The following ZNF148 variants were observed in gnomAD, a reference collection of about 807,000 sequenced individuals.
The protein encoded by ZNF148 is Beta-Enolase Repressor Factor-1.
In ZNF148, 7 loss-of-function variants were observed where a neutral mutation model predicts 67.7. The ratio of observed to expected loss-of-function variants is 0.10; its 90% CI spans 0.06 to 0.19. The LOEUF (loss-of-function observed/expected upper bound fraction) is 0.19, where lower values mean the gene tolerates loss of function less well. ZNF148 is among the 10% of genes least tolerant of loss of function. ZNF148 has a pLI of 1.00. For missense variants in ZNF148, 583 were observed against 947.1 expected (o/e 0.62, Z 5.05); for synonymous variants, 333 against 330.7 (o/e 1.01, Z -0.08).
rs1935714571 is a variant in ZNF148, at chr3:125,228,209, G to A, written c.*4132C>T. 1 of 152,474 alleles carries A rather than the reference G, an allele frequency of 6.6e-6. No homozygotes were observed. The highest frequency in any genetic ancestry group is 6.6e-5 in the Admixed American group (1 of 15,248). 9.4% of individuals were successfully genotyped at this position (152,474 alleles called of 1,614,324 possible). ...AATCACAAAGTTAGGTAGCAGTACAGAAGCAGGAAAAAAAACCACATCCCT... is the reference window on the plus strand; with the variant it reads ...AATCACAAAGTTAGGTAGCAGTACAAAAGCAGGAAAAAAAACCACATCCCT... On this transcript the variant is annotated 3_prime_UTR_variant, in exon 9 of 9. Coordinates refer to ENST00000360647, the MANE Select transcript of ZNF148 (RefSeq NM_021964.3).
chr3:125,302,781 G>A (rs183248841), intron 4 of ZNF148, among the ~76,000 whole-genome samples: 240 of 152,262 alleles, frequency 1.6e-3, no homozygotes, highest in Non-Finnish European at 1.9e-3. Flanking sequence ...TCTTATGTAT[G>A]GCATGCTTAT....
chr3:125,300,066 G>A (rs566509114), intron 4 of ZNF148, among the ~76,000 whole-genome samples: 30 of 152,150 alleles, frequency 2.0e-4, no homozygotes, highest in South Asian at 6.2e-4. Flanking sequence ...CCACCTCCCA[G>A]GTTCAAGCAA....
chr3:125,281,140 C>T (rs1048402774), intron 5 of ZNF148, among the ~76,000 whole-genome samples: 1 of 152,144 alleles, frequency 6.6e-6, no homozygotes, highest in African/African-American at 2.4e-5. Flanking sequence ...GGCAAACAGC[C>T]AATGTGGTCA....
chr3:125,343,623 G>C (rs1395489104), intron 1 of ZNF148, among the ~76,000 whole-genome samples: 1 of 152,054 alleles, frequency 6.6e-6, no homozygotes, highest in Non-Finnish European at 1.5e-5. Flanking sequence ...ATTGAAAAAA[G>C]GGCATTCTGA....
At chr3:125,269,501 A>G (rs1937624994) in intron 7 of ZNF148, among the ~76,000 whole-genome samples, 1 of 152,126 alleles carries the variant, frequency 6.6e-6, no homozygotes, top group Non-Finnish European at 1.5e-5. Context: ...ACACTTATAC[A>G]TTATTGGTAG....
At chr3:125,241,953 A>T (rs1421900785) in intron 7 of ZNF148, among the ~76,000 whole-genome samples, 1 of 152,198 alleles carries the variant, frequency 6.6e-6, no homozygotes, top group African/African-American at 2.4e-5. Flanking sequence ...TAGGTGAAAA[A>T]ACATTATCTC....
intron 6 of ZNF148, 109 bp downstream of exon 6, chr3:125,279,015 G>C: frequency 3.4e-6 from 4 of 1,178,066 alleles, no homozygotes; most frequent in Non-Finnish European, 4.5e-6. Flanking sequence ...CTCTGATTTG[G>C]AATGCCAGAT....
chr3:125,234,055 CCAAA>C, intron 8 of ZNF148, 116 bp from the exon 9 acceptor site: 1 of 1,369,564 alleles, frequency 7.3e-7, no homozygotes, highest in Non-Finnish European at 9.7e-7. Flanking sequence ...ATACATAATT[CCAAA>C]CAAATTCACT....
chr3:125,247,325 A>AT (rs1355939357), intron 7 of ZNF148, among the ~76,000 whole-genome samples: 3 of 152,084 alleles, frequency 2.0e-5, no homozygotes, highest in African/African-American at 7.2e-5. Flanking sequence ...TTAAAAAATT[A>AT]TTTTTTCTGG....
chr3:125,325,375 A>G (rs1251611944), intron 2 of ZNF148, among the ~76,000 whole-genome samples: 1 of 152,188 alleles, frequency 6.6e-6, no homozygotes, highest in Admixed American at 6.5e-5. Flanking sequence ...ATGGAACAAC[A>G]TTCAGCTTAC....
chr3:125,269,715 C>T (rs539775253), intron 7 of ZNF148, among the ~76,000 whole-genome samples: 1 of 152,256 alleles, frequency 6.6e-6, no homozygotes, highest in East Asian at 1.9e-4. Flanking sequence ...AGGTAACCAT[C>T]AGCAGTGGAC....
chr3:125,306,199 C>G (rs1028202407), intron 4 of ZNF148, among the ~76,000 whole-genome samples: 1 of 151,880 alleles, frequency 6.6e-6, no homozygotes, highest in Non-Finnish European at 1.5e-5. Flanking sequence ...ATGTTTAGGT[C>G]AAAAATGAAT....
intron 7 of ZNF148, among the ~76,000 whole-genome samples, chr3:125,269,638 G>A (rs1056803482): frequency 5.3e-5 from 8 of 151,960 alleles, no homozygotes; most frequent in Non-Finnish European, 8.8e-5. Flanking sequence ...AAATTCTACC[G>A]AATGACACAT....
intron 1 of ZNF148, among the ~76,000 whole-genome samples, chr3:125,341,153 A>G (rs1941705830): frequency 6.6e-6 from 1 of 151,788 alleles, no homozygotes; most frequent in African/African-American, 2.4e-5. Flanking sequence ...CAATATATTA[A>G]CAAATTCTAC....
At position 125,232,747 on chromosome 3, in the gene ZNF148, C is replaced by T. The variant is rs1343405655; in HGVS notation, c.1979G>A (p.Arg660Gln). 1 of 1,613,750 alleles carries T rather than the reference C, an allele frequency of 6.2e-7. No individual in the cohort carries two copies. The highest frequency in any genetic ancestry group is 1.1e-5 in the South Asian group (1 of 91,060). ...TCTTAGTGGAGAATTCATTCCTGATCGAAAGCTATTGATGGGCATGGTGGC... is the reference window on the plus strand; with the variant it reads ...TCTTAGTGGAGAATTCATTCCTGATTGAAAGCTATTGATGGGCATGGTGGC... Reference protein sequence around the residue: ...VYATMPINSFRSGMNSPLRTT... With the variant: ...VYATMPINSFQSGMNSPLRTT... Residue 660 changes from arginine (R) to glutamine (Q), a missense_variant, in exon 9 of 9, where the codon CGA (arginine) becomes CAA (glutamine). By Grantham distance (43) the Arg-to-Gln change is conservative. This residue lies in a region of ZNF148 where 158 missense variants were observed against 208.4 expected (regional missense o/e 0.76). Coordinates refer to ENST00000360647, the MANE Select transcript of ZNF148 (RefSeq NM_021964.3). This position sits in a 1 kb window ranked among gnomAD's most constrained non-coding sequence, Gnocchi z 4.2.
intron 7 of ZNF148, among the ~76,000 whole-genome samples, chr3:125,261,662 C>A (rs909687461): frequency 6.6e-6 from 1 of 151,754 alleles, no homozygotes; most frequent in African/African-American, 2.4e-5. Context: ...GGAGAGAGTG[C>A]CTGGGAAATA....
chr3:125,279,256 A>G lies in ZNF148; in HGVS notation c.460-9T>C, dbSNP rs200819561. 3.5e-5 allele frequency: 52 copies of G among 1,486,436 alleles called. No homozygotes were observed. In the East Asian group the frequency reaches 1.1e-3, roughly 32 times the overall value. 92.1% of individuals were successfully genotyped at this position (1,486,436 alleles called of 1,614,324 possible). On this transcript the variant is annotated splice_polypyrimidine_tract_variant and intron_variant, in intron 5 of 8. Transcript: ENST00000360647. ...TCATTTATTGTAAGGATCTAGTTCAAAAAAAAAAAGGCAAAAACAAAAGAA... is the reference window on the plus strand; with the variant it reads ...TCATTTATTGTAAGGATCTAGTTCAGAAAAAAAAAGGCAAAAACAAAAGAA...
At chr3:125,289,221 A>C (rs1938873042) in intron 4 of ZNF148, among the ~76,000 whole-genome samples, 1 of 152,216 alleles carries the variant, frequency 6.6e-6, no homozygotes, top group South Asian at 2.1e-4. Context: ...ACACACTAAA[A>C]AGCATGGTGC....
rs974000089 is a variant in ZNF148, at chr3:125,232,560, T to C, written c.2166A>G (p.Gln722=). The C allele has an allele frequency of 6.2e-6, 10 of 1,613,636 alleles. No homozygotes were observed. Among genetic ancestry groups the C allele is most frequent in the Middle Eastern group, 1.6e-4 (1 of 6,078 alleles). ...QKKAEAQPVH[Q]AYQMSSFEQP... Reference sequence around the variant, plus strand: ...GTTCAAAGGAGCTCATTTGGTAAGCTTGGTGGACAGGCTGGGCCTCAGCTT... The same window carrying C: ...GTTCAAAGGAGCTCATTTGGTAAGCCTGGTGGACAGGCTGGGCCTCAGCTT... The change falls in exon 9 of 9, where the codon CAA becomes CAG. Residue 722 remains glutamine, a synonymous_variant. Transcript: ENST00000360647. This position sits in a 1 kb window ranked among gnomAD's most constrained non-coding sequence, Gnocchi z 4.2.
Sources: gnomAD v4.1 joint callset for allele counts (sites outside exome capture counted in the v4.1 genomes callset) on GRCh38, gnomAD v4.1.1 for gene constraint, gnomAD v4.1.1 regional missense constraint, Gnocchi (gnomAD v3.1) non-coding constraint, MANE v1.5 for transcripts, NCBI Gene and HGNC (gene_info 2026-07-23, HGNC 2026-07-21) for gene names.